The following NCOR2 variants were observed in gnomAD, a reference collection of about 807,000 sequenced individuals.
NCOR2 encodes the protein CTG repeat protein 26.
A neutral mutation model predicts 262.9 loss-of-function variants in NCOR2; 81 were observed. The observed-to-expected ratio is 0.31, with a 90% CI of 0.26 to 0.37. The LOEUF is 0.37. Among genes scored for constraint, NCOR2 ranks in the 10% least tolerant of loss-of-function variants. NCOR2 has a pLI of 1.00. For synonymous variants in NCOR2, 1,659 were observed against 1,559.3 expected (o/e 1.06, Z -1.51); for missense variants, 3,385 against 3,621.4 (o/e 0.93, Z 1.68).
chr12:124,346,873 C>A, intron 30 of NCOR2, 23 bp from the exon 33 acceptor site: 1 of 1,518,324 alleles, frequency 6.6e-7, no homozygotes. Flanking sequence ...CAGCACTGAC[C>A]CTCACGCCCC....
exon 46 of NCOR2, chr12:124,326,354 G>C (rs920420987): frequency 2.0e-6 from 3 of 1,500,844 alleles, no homozygotes; most frequent in Non-Finnish European, 2.7e-6. Flanking sequence ...CAGAGACCTT[G>C]GCCTTCCCGC....
At chr12:124,500,271 G>A (rs560006680) in intron 1 of NCOR2, among the ~76,000 whole-genome samples, 187 of 152,298 alleles carry the variant, frequency 1.2e-3, no homozygotes, top group Non-Finnish European at 1.7e-3. Context: ...GAGGAGGGCT[G>A]CAGATCCCAC....
At chr12:124,340,698 G>A (rs777261487) in exon 35 of NCOR2, 2 of 1,537,222 alleles carry the variant, frequency 1.3e-6, no homozygotes, top group Non-Finnish European at 1.7e-6. Flanking sequence ...GGGGTGCCTG[G>A]TGTCGGGGGC....
chr12:124,517,362 G>A lies in NCOR2; in HGVS notation c.-118+18203C>T, dbSNP rs544664652. Among the ~76,000 whole-genome samples the A allele has an allele frequency of 2.6e-4, 40 of 152,206 alleles. No homozygotes were observed. The highest frequency in any genetic ancestry group is 9.1e-4 in the African/African-American group (38 of 41,532). On this transcript the variant is annotated intron_variant, in intron 1 of 46. Transcript: ENST00000404621. This position sits in a 1 kb window ranked among gnomAD's most constrained non-coding sequence, Gnocchi z 7.6. ...GGACAAATCACTCCCTCATCCCCCCGGTTTGCAACTAAAGGCTCCTTGTGA... is the reference window on the plus strand; with the variant it reads ...GGACAAATCACTCCCTCATCCCCCCAGTTTGCAACTAAAGGCTCCTTGTGA...
intron 17 of NCOR2, 95 bp downstream of exon 19, chr12:124,385,650 C>T (rs547228273): frequency 7.9e-6 from 12 of 1,521,190 alleles, no homozygotes; most frequent in East Asian, 2.3e-5. Flanking sequence ...CCCTCCCTGG[C>T]CCATGCCTCC....
chr12:124,409,000 C>A (rs969589120), intron 13 of NCOR2, among the ~76,000 whole-genome samples: 2 of 152,194 alleles, frequency 1.3e-5, no homozygotes, highest in Non-Finnish European at 2.9e-5. Context: ...TTTATTTACA[C>A]CATGGCAACC....
At chr12:124,487,273 C>T (rs961505424) in intron 1 of NCOR2, among the ~76,000 whole-genome samples, 3 of 152,182 alleles carry the variant, frequency 2.0e-5, no homozygotes, top group Admixed American at 2.0e-4. Flanking sequence ...CGACAAACAC[C>T]CGACAGCCAG....
chr12:124,330,813 G>A (rs774617310), intron 44 of NCOR2, 32 bp downstream of exon 46: 2 of 1,561,236 alleles, frequency 1.3e-6, no homozygotes, highest in South Asian at 1.2e-5. Flanking sequence ...AGGGGACCAG[G>A]GCAGCCATAT....
At chr12:124,556,686 C>T (rs1177914127) in intron 1 of NCOR2, among the ~76,000 whole-genome samples, 1 of 152,076 alleles carries the variant, frequency 6.6e-6, no homozygotes, top group Non-Finnish European at 1.5e-5. Context: ...ATGGCAAAAC[C>T]CCATCTCTAC....
chr12:124,355,649 C>A, intron 23 of NCOR2, 78 bp from the exon 26 acceptor site: 1 of 1,459,088 alleles, frequency 6.9e-7, no homozygotes, highest in East Asian at 2.5e-5. Context: ...AGGCTGCACT[C>A]CACCTCTTCC....
chr12:124,398,095 T>C lies in NCOR2; in HGVS notation c.1876+24A>G, dbSNP rs151206223. The stretch of plus-strand genomic sequence containing the variant: ...CGCCCTGGATGCAAACCAACAAGGC[T>C]TAAAGCCGCCACACACCCCTCACCT... On this transcript the variant is annotated intron_variant, in intron 16 of 46. Transcript: ENST00000405201. 1.9e-3 allele frequency: 3,012 copies of C among 1,614,002 alleles called. 82 individuals are homozygous for C. In the Admixed American group the frequency reaches 0.041, roughly 22 times the overall value.
intron 12 of NCOR2, among the ~76,000 whole-genome samples, chr12:124,421,919 C>A (rs1300976614): frequency 6.6e-6 from 1 of 152,244 alleles, no homozygotes; most frequent in Admixed American, 6.5e-5. Context: ...CGGGCCTGGG[C>A]TTGACACAAA....
chr12:124,383,017 G>A (rs2040523612), intron 17 of NCOR2, among the ~76,000 whole-genome samples: 1 of 151,984 alleles, frequency 6.6e-6, no homozygotes, highest in Admixed American at 6.5e-5. Flanking sequence ...ATCCTTCTGG[G>A]ATGCCTCTTT....
chr12:124,469,837 C>A (rs765927602), intron 4 of NCOR2, among the ~76,000 whole-genome samples: 19 of 152,158 alleles, frequency 1.2e-4, no homozygotes, highest in Non-Finnish European at 2.5e-4. Flanking sequence ...ACTAGGATGG[C>A]TGGAATCAAA....
chr12:124,347,894 T>C, exon 30 of NCOR2: 1 of 1,563,658 alleles, frequency 6.4e-7, no homozygotes, highest in East Asian at 2.4e-5. Flanking sequence ...TCCGGCGGGA[T>C]GGCACGGCCC....
chr12:124,370,703 G>A (rs1314713924), intron 20 of NCOR2, among the ~76,000 whole-genome samples: 1 of 152,226 alleles, frequency 6.6e-6, no homozygotes, highest in Non-Finnish European at 1.5e-5. Context: ...GAGGCCCAAA[G>A]CATCTGTGCT....
chr12:124,410,908 ACG>A lies in NCOR2; in HGVS notation c.1483-8349_1483-8348del, dbSNP rs2042543231. Among the ~76,000 whole-genome samples the A allele has an allele frequency of 5.3e-5, 8 of 152,054 alleles. No individual in the cohort carries two copies. The South Asian group carries it at 1.7e-3, about 32-fold the overall frequency. ...TCCGCAAAGAGCTGGGAGAGGACAG[ACG>A]GAGGAGGCAGGGGACAGGGGGCTGT... On this transcript the variant is annotated intron_variant, in intron 13 of 46. Transcript: ENST00000405201.
chr12:124,377,764 G>A (rs1447217346), intron 18 of NCOR2, among the ~76,000 whole-genome samples: 3 of 151,336 alleles, frequency 2.0e-5, no homozygotes, highest in South Asian at 2.1e-4. Flanking sequence ...GCTTGAACCC[G>A]AGAGGCAGAG....
chr12:124,373,394 G>T (rs542341268), intron 19 of NCOR2, among the ~76,000 whole-genome samples: 2 of 119,796 alleles, frequency 1.7e-5, no homozygotes, highest in African/African-American at 3.1e-5. Flanking sequence ...AGGGGCCCCG[G>T]GCACAGTGGA....
Sources: allele counts gnomAD v4.1 joint callset (sites outside exome capture counted in the v4.1 genomes callset), GRCh38; gene constraint gnomAD v4.1.1; non-coding constraint Gnocchi (gnomAD v3.1); transcripts MANE v1.5; gene names NCBI Gene and HGNC (gene_info 2026-07-23, HGNC 2026-07-21).